Variants in TTBK2 observed in about 807,000 individuals in gnomAD.
TTBK2 encodes tau-tubulin kinase 2.
A neutral mutation model predicts 110.8 loss-of-function variants in TTBK2; 28 were observed. The observed-to-expected ratio is 0.25, with a 90% CI of 0.19 to 0.35. The LOEUF is 0.35. TTBK2 is among the 10% of genes least tolerant of loss of function. The pLI, the probability that TTBK2 is intolerant of heterozygous loss-of-function variation, is 1.00. For synonymous variants in TTBK2, 532 were observed against 527.3 expected (o/e 1.01, Z -0.12); for missense variants, 1,369 against 1,500.3 (o/e 0.91, Z 1.45).
At chr15:42,763,715 A>G (rs1427073804) in intron 13 of TTBK2, among the ~76,000 whole-genome samples, 1 of 152,176 alleles carries the variant, frequency 6.6e-6, no homozygotes, top group African/African-American at 2.4e-5. Flanking sequence ...GAGGCCATAC[A>G]TGGTATCTTC....
intron 14 of TTBK2, among the ~76,000 whole-genome samples, chr15:42,750,610 G>A (rs557625543): frequency 3.3e-5 from 5 of 151,894 alleles, no homozygotes; most frequent in South Asian, 2.1e-4. Context: ...GACAATAAAG[G>A]GCCTGTGGGG....
At chr15:42,829,551 T>C (rs1892664702) in intron 5 of TTBK2, among the ~76,000 whole-genome samples, 1 of 152,156 alleles carries the variant, frequency 6.6e-6, no homozygotes. Flanking sequence ...AGAGACAGGG[T>C]CTCACTATGC....
intron 1 of TTBK2, among the ~76,000 whole-genome samples, chr15:42,908,468 C>T (rs1190931474): frequency 6.6e-6 from 1 of 152,110 alleles, no homozygotes; most frequent in East Asian, 1.9e-4. Flanking sequence ...AAGACCCTGT[C>T]TCAAAACAAA....
rs372594603 is a variant in TTBK2 at position 42,830,001 on chromosome 15, T to C, written c.369A>G (p.Arg123=). The change falls in exon 5 of 15, where the codon AGA becomes AGG. Residue 123 remains arginine, a synonymous_variant. Coordinates refer to ENST00000267890, the MANE Select transcript of TTBK2 (RefSeq NM_173500.4). ...FTISTTLRLG[R]QILESIESIH... is the part of the protein sequence containing the mutation. ...TGCTTTCAATAGACTCCAAAATCTG[T>C]CTACCCAGCCGGAGAGTGGTACTAA... 23 of 1,614,014 alleles carry C rather than the reference T, an allele frequency of 1.4e-5. No individual in the cohort carries two copies. Among genetic ancestry groups the C allele is most frequent in the Non-Finnish European group, 3.4e-6 (4 of 1,180,030 alleles).
chr15:42,746,258 C>T lies in TTBK2; in HGVS notation c.3273-1G>A. On this transcript the variant is annotated splice_acceptor_variant, in intron 14 of 14. Coordinates refer to ENST00000267890, the MANE Select transcript of TTBK2 (RefSeq NM_173500.4). LOFTEE classifies it high-confidence loss of function. ...CCCTAGGACTTTATATCTGCGTAGC[C>T]TTAAAAGAACAGAGAAAATATATTT... The T allele has an allele frequency of 1.9e-6, 3 of 1,605,942 alleles. No homozygotes were observed. The highest frequency in any genetic ancestry group is 2.6e-6 in the Non-Finnish European group (3 of 1,173,610).
rs2061892512 is a variant in TTBK2, at chr15:42,753,082, G to A, written c.2164C>T (p.Pro722Ser). The change falls in exon 14 of 15, where the codon CCT becomes TCT. Residue 722 changes from proline (P) to serine (S), a missense_variant. By Grantham distance (74) the Pro-to-Ser change is moderately conservative (BLOSUM62 -1). This residue lies in a region of TTBK2 where 1,097 missense variants were observed against 1,114.7 expected (regional missense o/e 0.98). Transcript: ENST00000267890. Reference sequence around the variant, plus strand: ...AAATCTGTTCTGCTTCCTCCACTAGGAGGTTCACCCTCTGTCACAACCAAG... The same window carrying A: ...AAATCTGTTCTGCTTCCTCCACTAGAAGGTTCACCCTCTGTCACAACCAAG... Reference protein sequence around the residue: ...SGLVVTEGEPPSGGSRTDLGL... With the variant: ...SGLVVTEGEPSSGGSRTDLGL... The A allele has an allele frequency of 3.1e-6, 5 of 1,608,208 alleles. No homozygotes were observed. The highest frequency in any genetic ancestry group is 3.4e-6 in the Non-Finnish European group (4 of 1,177,156).
intron 6 of TTBK2, among the ~76,000 whole-genome samples, chr15:42,824,584 T>G (rs1369536406): frequency 6.6e-6 from 1 of 152,198 alleles, no homozygotes; most frequent in Non-Finnish European, 1.5e-5. Flanking sequence ...TTAATGAATC[T>G]TTTCAATTAA....
At chr15:42,862,488 A>G (rs572707897) in intron 3 of TTBK2, among the ~76,000 whole-genome samples, 2 of 152,358 alleles carry the variant, frequency 1.3e-5, no homozygotes, top group Admixed American at 6.5e-5. Context: ...CAAAAACCAT[A>G]TAGTCATCTC....
rs935116719 is a variant in TTBK2, at chr15:42,824,307, T to G, written c.537+3621A>C. On this transcript the variant is annotated intron_variant, in intron 6 of 14. Coordinates refer to ENST00000267890, the MANE Select transcript of TTBK2 (RefSeq NM_173500.4). The stretch of plus-strand genomic sequence containing the variant: ...GTGATAAAATTTCATATACCACCCC[T>G]CCCCCACCAAAACGTGCATGTTGAA... 4.6e-5 allele frequency among the ~76,000 whole-genome samples: 7 copies of G among 152,044 alleles called. 1 individual carries two copies. The highest frequency in any genetic ancestry group is 3.9e-4 in the Admixed American group (6 of 15,250).
rs1190344572 is a variant in TTBK2 at position 42,745,536 on chromosome 15, CATTTT to C, written c.*254_*258del. 2.0e-6 allele frequency: 1 copy of C among 504,384 alleles called. No individual in the cohort carries two copies. The highest frequency in any genetic ancestry group is 1.9e-5 in the African/African-American group (1 of 52,008). 31.2% of individuals were successfully genotyped at this position (504,384 alleles called of 1,614,324 possible). A position where few individuals can be genotyped will look rare whatever the true frequency, so the allele number is the denominator to read the frequency against. ...AAAGGCAGCTTAAAAAATGAGAGCT[CATTTT>C]AATGAGTTTCTCCCCCTTGGATTTT... On this transcript the variant is annotated 3_prime_UTR_variant, in exon 15 of 15. Coordinates refer to ENST00000267890, the MANE Select transcript of TTBK2 (RefSeq NM_173500.4).
At chr15:42,747,043 C>A (rs1000956436) in intron 14 of TTBK2, among the ~76,000 whole-genome samples, 16 of 151,292 alleles carry the variant, frequency 1.1e-4, no homozygotes, top group Non-Finnish European at 1.8e-4. Flanking sequence ...CAGCTCACTG[C>A]AGTCTCGACC....
chr15:42,836,916 G>A (rs1013034794), intron 4 of TTBK2, among the ~76,000 whole-genome samples: 1 of 152,122 alleles, frequency 6.6e-6, no homozygotes, highest in African/African-American at 2.4e-5. Context: ...ATGTACAAAA[G>A]AGGGATAAAA....
intron 1 of TTBK2, among the ~76,000 whole-genome samples, chr15:42,915,823 C>T (rs1178013209): frequency 1.3e-5 from 2 of 151,916 alleles, no homozygotes; most frequent in African/African-American, 2.4e-5. Context: ...GGCACATGCC[C>T]GTAGTCCCAG....
At chr15:42,763,121 C>CACAT (rs1555421127) in intron 13 of TTBK2, among the ~76,000 whole-genome samples, 4 of 86,318 alleles carry the variant, frequency 4.6e-5, no homozygotes, top group African/African-American at 1.9e-4. Flanking sequence ...TATATATACA[C>CACAT]ATATATATAC....
At chr15:42,838,778 T>C (rs1157034986) in intron 4 of TTBK2, among the ~76,000 whole-genome samples, 1 of 151,650 alleles carries the variant, frequency 6.6e-6, no homozygotes, top group Non-Finnish European at 1.5e-5. Context: ...ACTGCACTAC[T>C]ACACTCCAGC....
chr15:42,903,288 T>C lies in TTBK2; in HGVS notation c.-68+17150A>G, dbSNP rs990399584. 9.1e-4 allele frequency among the ~76,000 whole-genome samples: 139 copies of C among 152,236 alleles called. 1 individual carries two copies. The highest frequency in any genetic ancestry group is 3.2e-4 in the Non-Finnish European group (22 of 68,012). ...GCCATGGTGAGGAGGTATTGAAAAT[T>C]AGTGTTTAACGGGTATGGAGTTTCC... On this transcript the variant is annotated intron_variant, in intron 1 of 14. Transcript: ENST00000267890.
chr15:42,853,744 A>C (rs1893815064), intron 3 of TTBK2, among the ~76,000 whole-genome samples: 1 of 152,134 alleles, frequency 6.6e-6, no homozygotes, highest in Non-Finnish European at 1.5e-5. Context: ...ACATAAGAAT[A>C]AACGAGCACA....
intron 3 of TTBK2, among the ~76,000 whole-genome samples, chr15:42,860,732 C>T (rs186567767): frequency 9.1e-5 from 13 of 142,114 alleles, no homozygotes; most frequent in African/African-American, 3.5e-4. Context: ...AATGGCGGAT[C>T]TCAGCTCACT....
chr15:42,745,242 T>G lies in TTBK2; in HGVS notation c.*553A>C, dbSNP rs2140549952. On this transcript the variant is annotated 3_prime_UTR_variant, in exon 15 of 15. Coordinates refer to ENST00000267890, the MANE Select transcript of TTBK2 (RefSeq NM_173500.4). ...AAAAAAATCTGAACTCCAGGGAGGG[T>G]ACTAGGAATGAGGCAAAGTAAAGGT... 1 of 158,272 alleles carries G rather than the reference T, an allele frequency of 6.3e-6. No individual in the cohort carries two copies. Among genetic ancestry groups the G allele is most frequent in the South Asian group, 1.8e-4 (1 of 5,636 alleles). The allele number at this position is 158,272 out of a possible 1,614,324, so 9.8% of individuals were successfully genotyped here.
Sources: gnomAD v4.1 joint callset for allele counts (sites outside exome capture counted in the v4.1 genomes callset) on GRCh38, gnomAD v4.1.1 for gene constraint, gnomAD v4.1.1 regional missense constraint, MANE v1.5 for transcripts, NCBI Gene and HGNC (gene_info 2026-07-23, HGNC 2026-07-21) for gene names.